Variants in EPG5 observed in about 807,000 individuals in gnomAD.
EPG5 encodes ectopic P-granules 5 autophagy tethering factor.
EPG5 carries 159 observed loss-of-function variants against 302.7 expected under a neutral mutation model. The ratio of observed to expected loss-of-function variants is 0.53; its 90% confidence interval spans 0.46 to 0.60. The LOEUF is 0.60. Ranked by LOEUF, EPG5 falls within the 20% of genes least tolerant of loss-of-function variation. The pLI is 0.00. For synonymous variants in EPG5, 1,158 were observed against 1,136.8 expected, an observed-to-expected ratio of 1.02 and a Z score of -0.37; for missense variants, 2,896 against 3,092.4, an observed-to-expected ratio of 0.94 and a Z score of 1.51.
chr18:45,934,774 G>A, intron 11 of EPG5, 35 bp downstream of exon 11: 1 of 1,568,608 alleles, frequency 6.4e-7, no homozygotes, highest in South Asian at 1.2e-5. Flanking sequence ...AAAAGATAGG[G>A]AGAGCTGGAC....
At chr18:45,913,515 G>T (rs1459391593) in intron 21 of EPG5, among the ~76,000 whole-genome samples, 191 bp downstream of exon 21, 3 of 152,218 alleles carry the variant, frequency 2.0e-5, no homozygotes, top group African/African-American at 7.2e-5. Flanking sequence ...ACTAGGCTGA[G>T]ACTCTTGTTA....
chr18:45,807,493 T>C, the EPG5 span, among the ~76,000 whole-genome samples: 1 of 152,108 alleles, frequency 6.6e-6, no homozygotes, highest in Non-Finnish European at 1.5e-5. Context: ...CCCTGCCACC[T>C]CCACTAGAAC....
chr18:45,880,252 A>C, intron 31 of EPG5, 29 bp from the exon 32 acceptor site: 1 of 1,538,824 alleles, frequency 6.5e-7, no homozygotes, highest in Non-Finnish European at 8.8e-7. Flanking sequence ...AGAGCAAGTC[A>C]GTGGCTTTCC....
intron 10 of EPG5, among the ~76,000 whole-genome samples, chr18:45,938,902 T>TCCTA (rs1162940583): frequency 6.6e-6 from 1 of 152,088 alleles, no homozygotes; most frequent in East Asian, 1.9e-4. Flanking sequence ...GGCAGCTAGC[T>TCCTA]CAGGAGAGGG....
chr18:45,888,408 A>T (rs2049265277), intron 28 of EPG5, among the ~76,000 whole-genome samples: 1 of 152,090 alleles, frequency 6.6e-6, no homozygotes, highest in Non-Finnish European at 1.5e-5. Context: ...GGTTCAAGCG[A>T]TTCTAACACC....
intron 16 of EPG5, among the ~76,000 whole-genome samples, chr18:45,921,899 C>A (rs1348905151): frequency 6.8e-6 from 1 of 147,462 alleles, no homozygotes; most frequent in Admixed American, 6.9e-5. Flanking sequence ...CAACATGGCA[C>A]ATGTATATGT....
At chr18:45,807,192 T>C in the EPG5 span, among the ~76,000 whole-genome samples, 1 of 152,066 alleles carries the variant, frequency 6.6e-6, no homozygotes, top group African/African-American at 2.4e-5. Context: ...CCTGGGAGCC[T>C]CATCTCCATC....
chr18:45,839,137 C>A, the EPG5 span: 1 of 1,354,860 alleles, frequency 7.4e-7, no homozygotes, highest in South Asian at 1.8e-5. Context: ...GGGGCCGGGC[C>A]GGGGCTCTCT....
At chr18:45,888,326 CG>C (rs1225566607) in intron 28 of EPG5, among the ~76,000 whole-genome samples, 1 of 150,942 alleles carries the variant, frequency 6.6e-6, no homozygotes, top group African/African-American at 2.5e-5. Context: ...TATTTTTTGA[CG>C]GAGTCTCACT....
rs144908324 is a variant in EPG5, at chr18:45,917,751, G to A, written c.3167C>T (p.Thr1056Ile). The change falls in exon 17 of 44, where the codon ACA becomes ATA. Residue 1056 changes from threonine (T) to isoleucine (I), a missense_variant. Thr to Ile is a moderately conservative substitution (Grantham distance 89). This residue lies in a region of EPG5 where 1,390 missense variants were observed against 1,430.0 expected (regional missense o/e 0.97). Coordinates refer to ENST00000282041, the MANE Select transcript of EPG5 (RefSeq NM_020964.3). The stretch of plus-strand genomic sequence containing the variant: ...AATCTTATCCAGGACATGAACCACT[G>A]TTCTCAAATGTCTTGACTGGACCAG... ...GILVQSRHLRTVVHVLDKILP... is the reference protein window; with the variant it reads ...GILVQSRHLRIVVHVLDKILP... 18 of 1,614,038 alleles carry A rather than the reference G, an allele frequency of 1.1e-5. No homozygotes were observed. Among genetic ancestry groups the A allele is most frequent in the Non-Finnish European group, 1.5e-5 (18 of 1,179,910 alleles).
At chr18:45,940,094 G>A (rs935058045) in intron 9 of EPG5, among the ~76,000 whole-genome samples, 5 of 152,166 alleles carry the variant, frequency 3.3e-5, no homozygotes, top group South Asian at 4.1e-4. Context: ...TTGGGAGCAC[G>A]AAAGGGCTTA....
chr18:45,832,517 G>A, the EPG5 span, among the ~76,000 whole-genome samples: 1 of 152,172 alleles, frequency 6.6e-6, no homozygotes, highest in African/African-American at 2.4e-5. Flanking sequence ...ATAAAAGTCT[G>A]ATGAAGAATG....
At chr18:45,875,200 G>C (rs1397670388) in intron 35 of EPG5, among the ~76,000 whole-genome samples, 1 of 152,104 alleles carries the variant, frequency 6.6e-6, no homozygotes, top group African/African-American at 2.4e-5. Context: ...CCTCAGCCTA[G>C]GCCTTATGAG....
At chr18:45,929,046 A>C (rs1234586408) in intron 12 of EPG5, 37 bp from the exon 13 acceptor site, 41 of 1,597,036 alleles carry the variant, frequency 2.6e-5, no homozygotes, top group Non-Finnish European at 3.5e-5. Flanking sequence ...TGGCACTTTT[A>C]ATATCAATTA....
chr18:45,902,760 C>T (rs1277898308), intron 25 of EPG5, among the ~76,000 whole-genome samples: 1 of 152,144 alleles, frequency 6.6e-6, no homozygotes, highest in African/African-American at 2.4e-5. Flanking sequence ...AAGGTATCAC[C>T]AGACACAAGA....
At chr18:45,812,305 G>A in the EPG5 span, among the ~76,000 whole-genome samples, 112,701 of 152,082 alleles carry the variant, frequency 0.74, 42,636 homozygotes, top group East Asian at 0.92. Flanking sequence ...ATGCTCATGG[G>A]TAGGAAGAAT....
In EPG5 at chr18:45,967,200, T is replaced by C. The variant is rs759657335; in HGVS notation, c.40A>G (p.Lys14Glu). 1.2e-6 allele frequency: 2 copies of C among 1,605,712 alleles called. No homozygotes were observed. Among genetic ancestry groups the C allele is most frequent in the Non-Finnish European group, 1.7e-6 (2 of 1,176,304 alleles). ...ACCTTTGTTTTAGTCCGGCTGGCCTTGGCCTTGGCCCGGCGCTGGGGCTTC... is the reference window on the plus strand; with the variant it reads ...ACCTTTGTTTTAGTCCGGCTGGCCTCGGCCTTGGCCCGGCGCTGGGGCTTC... ...AVKPQRRAKA[K>E]ASRTKTKEKK... is the part of the protein sequence containing the mutation. Residue 14 changes from lysine to glutamate, a missense_variant, in exon 1 of 44, where the codon AAG becomes GAG. Transcript: ENST00000282041.
At chr18:45,923,502 A>C in intron 14 of EPG5, 115 bp from the exon 15 acceptor site, 1 of 1,150,258 alleles carries the variant, frequency 8.7e-7, no homozygotes, top group Admixed American at 2.6e-5. Context: ...GTAGAAGCTA[A>C]ATGTTCCAAA....
At chr18:45,803,128 C>A in the EPG5 span, among the ~76,000 whole-genome samples, 1 of 152,172 alleles carries the variant, frequency 6.6e-6, no homozygotes, top group Non-Finnish European at 1.5e-5. Flanking sequence ...ACATTATCAG[C>A]CTTACATAAT....
Sources: allele counts gnomAD v4.1 joint callset (sites outside exome capture counted in the v4.1 genomes callset), GRCh38; gene constraint gnomAD v4.1.1; regional missense constraint gnomAD v4.1.1; transcripts MANE v1.5; gene names NCBI Gene and HGNC (gene_info 2026-07-23, HGNC 2026-07-21).